PRKAR1B: variants seen among roughly 807,000 people sequenced by gnomAD.
PRKAR1B encodes protein kinase cAMP-dependent type I regulatory subunit beta.
A neutral mutation model predicts 46.5 loss-of-function variants in PRKAR1B; 22 were observed. The ratio of observed to expected loss-of-function variants is 0.47; its 90% CI spans 0.34 to 0.68. The LOEUF is 0.68. Ranked by LOEUF, PRKAR1B falls within the 30% of genes least tolerant of loss-of-function variation. The probability of loss-of-function intolerance (pLI) is 0.01; values close to 1 mark genes in which losing one functional copy is unlikely to be tolerated. For missense variants in PRKAR1B, 445 were observed against 535.6 expected, an observed-to-expected ratio of 0.83 and a Z score of 1.67; for synonymous variants, 259 against 217.7, an observed-to-expected ratio of 1.19 and a Z score of -1.67.
Position 593,905 on chromosome 7 carries a change from C to T in PRKAR1B, c.708+2241G>A, listed in dbSNP as rs1286845748. Reference sequence around the variant, plus strand: ...GTGCAGAATCTGATGAAACAGCCGCCCCAAAGACTGTGCGAACGCGCCATC... The same window carrying T: ...GTGCAGAATCTGATGAAACAGCCGCTCCAAAGACTGTGCGAACGCGCCATC... On this transcript the variant is annotated intron_variant, in intron 7 of 10. Coordinates refer to ENST00000537384, the MANE Select transcript of PRKAR1B (RefSeq NM_001164760.2). This position sits in a 1 kb window ranked among gnomAD's most constrained non-coding sequence, Gnocchi z 6.1. Among the ~76,000 whole-genome samples the T allele has an allele frequency of 6.6e-6, 1 of 152,180 alleles. No homozygotes were observed. Among genetic ancestry groups the T allele is most frequent in the Non-Finnish European group, 1.5e-5 (1 of 68,014 alleles).
chr7:615,775 C>T (rs1263837787), intron 4 of PRKAR1B, among the ~76,000 whole-genome samples: 2 of 145,132 alleles, frequency 1.4e-5, no homozygotes, highest in Non-Finnish European at 3.0e-5. Flanking sequence ...TTGCAGTGAG[C>T]CGAGATCGCG....
intron 2 of PRKAR1B, among the ~76,000 whole-genome samples, chr7:709,344 T>C (rs917202903): frequency 6.6e-6 from 1 of 151,474 alleles, no homozygotes; most frequent in Non-Finnish European, 1.5e-5. Flanking sequence ...TATGCATGTG[T>C]GTATGCATGT....
chr7:690,237 A>G (rs1042408233), intron 2 of PRKAR1B, among the ~76,000 whole-genome samples: 2 of 151,734 alleles, frequency 1.3e-5, no homozygotes, highest in Non-Finnish European at 2.9e-5. Context: ...CAGACGTTGC[A>G]GTGAGCTGAG....
At chr7:710,252 C>T (rs1780546253) in intron 2 of PRKAR1B, among the ~76,000 whole-genome samples, 1 of 152,098 alleles carries the variant, frequency 6.6e-6, no homozygotes, top group African/African-American at 2.4e-5. Flanking sequence ...ATTTGGTCCC[C>T]AGGAGAGATG....
chr7:594,783 A>T (rs1275620614), intron 7 of PRKAR1B, among the ~76,000 whole-genome samples: 1 of 149,796 alleles, frequency 6.7e-6, no homozygotes, highest in Non-Finnish European at 1.5e-5. Flanking sequence ...CCATGAGAGG[A>T]CCCCAAATTA....
At chr7:585,941 A>G (rs1341122210) in intron 7 of PRKAR1B, among the ~76,000 whole-genome samples, 1 of 152,084 alleles carries the variant, frequency 6.6e-6, no homozygotes, top group East Asian at 1.9e-4. Context: ...AGTGAGCAGC[A>G]TTTACCAGGT....
chr7:602,373 G>T lies in PRKAR1B; in HGVS notation c.549+3820C>A, dbSNP rs1045672838. ...AGGTCGAGGGGTGGGTGGGGATTCTGCGAGGATGAGGAGGAGGAGGAGGAG... is the reference window on the plus strand; with the variant it reads ...AGGTCGAGGGGTGGGTGGGGATTCTTCGAGGATGAGGAGGAGGAGGAGGAG... On this transcript the variant is annotated intron_variant, in intron 6 of 10. Coordinates refer to ENST00000537384, the MANE Select transcript of PRKAR1B (RefSeq NM_001164760.2). This position sits in a 1 kb window ranked among gnomAD's most constrained non-coding sequence, Gnocchi z 6.4. Among the ~76,000 whole-genome samples, 10 of 152,164 alleles carry T rather than the reference G, an allele frequency of 6.6e-5. No homozygotes were observed. The highest frequency in any genetic ancestry group is 8.8e-5 in the Non-Finnish European group (6 of 68,024).
At chr7:691,079 G>A (rs912783355) in intron 2 of PRKAR1B, among the ~76,000 whole-genome samples, 6 of 148,046 alleles carry the variant, frequency 4.1e-5, no homozygotes, top group Admixed American at 6.7e-5. Context: ...TGGCCAGTCC[G>A]CTGCAAATCC....
At chr7:708,067 G>T (rs531677274) in intron 2 of PRKAR1B, among the ~76,000 whole-genome samples, 4 of 150,470 alleles carry the variant, frequency 2.7e-5, no homozygotes, top group African/African-American at 9.8e-5. Context: ...CACGGACCCA[G>T]AATTAGCCAT....
At position 599,956 on chromosome 7, in the gene PRKAR1B, G is replaced by A. The variant is rs112901999; in HGVS notation, c.550-3652C>T. 8.3e-3 allele frequency among the ~76,000 whole-genome samples: 1,131 copies of A among 135,798 alleles called. 62 individuals are homozygous for A. Among genetic ancestry groups the A allele is most frequent in the Non-Finnish European group, 0.012 (745 of 60,980 alleles). The allele number at this position is 135,798 out of a possible 152,430, so 89.1% of individuals were successfully genotyped here. On this transcript the variant is annotated intron_variant, in intron 6 of 10. Transcript: ENST00000537384. ...ACAGGGGTGCCAAGAGCTGGGGGAGGCGCACGGGCAGGCCCCCCATTCACC... is the reference window on the plus strand; with the variant it reads ...ACAGGGGTGCCAAGAGCTGGGGGAGACGCACGGGCAGGCCCCCCATTCACC...
intron 4 of PRKAR1B, among the ~76,000 whole-genome samples, chr7:632,191 T>C (rs1783790394): frequency 1.3e-5 from 2 of 152,214 alleles, no homozygotes; most frequent in South Asian, 4.1e-4. Context: ...GTGTGAACCC[T>C]GTGTCTCTGT....
At chr7:601,759 G>A (rs1025322761) in intron 6 of PRKAR1B, among the ~76,000 whole-genome samples, 2 of 152,238 alleles carry the variant, frequency 1.3e-5, no homozygotes, top group Non-Finnish European at 1.5e-5. Flanking sequence ...GTTCCCGCAG[G>A]GGGCCCGGCC....
chr7:584,388 A>G, intron 8 of PRKAR1B, 120 bp downstream of exon 8: 2 of 806,164 alleles, frequency 2.5e-6, no homozygotes, highest in Non-Finnish European at 4.1e-6. Context: ...TGCACCCCAA[A>G]CCTCCATAAT....
At chr7:616,650 G>T (rs1209006623) in intron 4 of PRKAR1B, among the ~76,000 whole-genome samples, 2 of 152,222 alleles carry the variant, frequency 1.3e-5, no homozygotes, top group Non-Finnish European at 2.9e-5. Context: ...CGCTTTGGCT[G>T]AGGGTCCGTC....
intron 4 of PRKAR1B, among the ~76,000 whole-genome samples, chr7:627,670 A>AC (rs1583320939): frequency 2.0e-5 from 3 of 150,796 alleles, no homozygotes; most frequent in Admixed American, 2.0e-4. Context: ...GGGCACCAAC[A>AC]CCCCCCAGGG....
intron 4 of PRKAR1B, among the ~76,000 whole-genome samples, chr7:641,528 C>T (rs530231914): frequency 5.3e-5 from 8 of 152,212 alleles, no homozygotes; most frequent in Non-Finnish European, 8.8e-5. Flanking sequence ...TAGCTCCAAA[C>T]TGAAAACAAC....
chr7:551,134 C>CCT (rs1297881707), intron 10 of PRKAR1B, among the ~76,000 whole-genome samples: 1 of 152,150 alleles, frequency 6.6e-6, no homozygotes, highest in Non-Finnish European at 1.5e-5. Flanking sequence ...CAGGAGGCTG[C>CCT]CTCCCCCAAG....
At chr7:569,488 C>T (rs1468761378) in intron 9 of PRKAR1B, among the ~76,000 whole-genome samples, 2 of 152,370 alleles carry the variant, frequency 1.3e-5, no homozygotes, top group South Asian at 2.1e-4. Flanking sequence ...GCAGCCGTGA[C>T]GTGCCCGGGA....
chr7:685,480 C>T (rs1210434364), intron 2 of PRKAR1B, among the ~76,000 whole-genome samples: 2 of 144,988 alleles, frequency 1.4e-5, no homozygotes, highest in African/African-American at 2.6e-5. Flanking sequence ...AAAATAGAAA[C>T]TTGTCAGAAA....
Sources: allele counts gnomAD v4.1 joint callset (sites outside exome capture counted in the v4.1 genomes callset), GRCh38; gene constraint gnomAD v4.1.1; non-coding constraint Gnocchi (gnomAD v3.1); transcripts MANE v1.5; gene names NCBI Gene and HGNC (gene_info 2026-07-23, HGNC 2026-07-21).